RBM33: variants seen among roughly 807,000 people sequenced by gnomAD.
RBM33 encodes the protein RNA binding motif protein 33.
In RBM33, 28 loss-of-function variants were observed where a neutral mutation model predicts 132.6. The observed-to-expected ratio is 0.21, with a 90% confidence interval of 0.16 to 0.29. The LOEUF is 0.29. Among genes scored for constraint, RBM33 ranks in the 10% least tolerant of loss-of-function variants. RBM33 has a pLI of 1.00. For synonymous variants in RBM33, 634 were observed against 593.0 expected (o/e 1.07, Z -1.01); for missense variants, 1,291 against 1,518.5 (o/e 0.85, Z 2.49).
chr7:155,673,402 TTGTGTGTGTGTGTGTGTGTG>T (rs200441063), intron 3 of RBM33, among the ~76,000 whole-genome samples: 1 of 45,162 alleles, frequency 2.2e-5, no homozygotes, highest in Non-Finnish European at 4.5e-5. Context: ...TTTATATATA[TTGTGTGTGTGTGTGTGTGTG>T]TGTGTGTGTG....
intron 13 of RBM33, among the ~76,000 whole-genome samples, chr7:155,743,761 C>T (rs1801425527): frequency 6.6e-6 from 1 of 152,166 alleles, no homozygotes; most frequent in Non-Finnish European, 1.5e-5. Context: ...TTTAACTCTT[C>T]CTTGACTGCA....
intron 8 of RBM33, among the ~76,000 whole-genome samples, chr7:155,715,684 A>T (rs1282381387): frequency 7.2e-5 from 11 of 152,230 alleles, no homozygotes. Context: ...ACACTGACAC[A>T]GGAGAGAAGG....
intron 1 of RBM33, among the ~76,000 whole-genome samples, chr7:155,652,127 A>T (rs149079645): frequency 6.6e-6 from 1 of 152,174 alleles, no homozygotes; most frequent in Non-Finnish European, 1.5e-5. Flanking sequence ...AGGAATTTTG[A>T]CTATTAGTGA....
Position 155,741,958 on chromosome 7 carries a change from C to G in RBM33, c.2189C>G (p.Pro730Arg). The change falls in exon 13 of 18, where the codon CCC becomes CGC. Residue 730 changes from proline (P) to arginine (R), a missense_variant. This residue lies in a region of RBM33 where 841 missense variants were observed against 912.0 expected (regional missense o/e 0.92). Transcript: ENST00000401878. ...EMSSSRCSAT[P>R]SAQVKPIVSA... Reference sequence around the variant, plus strand: ...AGCAGCAGCCGCTGCTCTGCCACGCCCTCAGCACAAGTGAAACCTATCGTC... The same window carrying G: ...AGCAGCAGCCGCTGCTCTGCCACGCGCTCAGCACAAGTGAAACCTATCGTC... 1.2e-6 allele frequency: 2 copies of G among 1,614,018 alleles called. No homozygotes were observed. Among genetic ancestry groups the G allele is most frequent in the Non-Finnish European group, 1.7e-6 (2 of 1,179,888 alleles).
At chr7:155,756,815 G>A (rs931813453) in intron 14 of RBM33, among the ~76,000 whole-genome samples, 5 of 150,812 alleles carry the variant, frequency 3.3e-5, no homozygotes, top group Middle Eastern at 3.4e-3. Flanking sequence ...CCAGATAGCC[G>A]GGTAGCTTGG....
intron 7 of RBM33, chr7:155,707,351 T>C (rs753026358): frequency 8.2e-5 from 46 of 562,076 alleles, no homozygotes; most frequent in Non-Finnish European, 1.5e-4. Flanking sequence ...CATAAGCTGT[T>C]GGACCTTGCT....
At chr7:155,691,653 A>G (rs1799645561) in intron 5 of RBM33, among the ~76,000 whole-genome samples, 1 of 152,238 alleles carries the variant, frequency 6.6e-6, no homozygotes, top group Non-Finnish European at 1.5e-5. Context: ...AACAAGTATT[A>G]TCATTGCCTG....
intron 1 of RBM33, among the ~76,000 whole-genome samples, chr7:155,654,715 A>G (rs1309375767): frequency 2.6e-5 from 4 of 152,180 alleles, no homozygotes; most frequent in African/African-American, 4.8e-5. Context: ...CATTGTGTAT[A>G]TTTTTTGGAA....
chr7:155,650,049 C>T (rs1005878743), intron 1 of RBM33, among the ~76,000 whole-genome samples: 1 of 152,182 alleles, frequency 6.6e-6, no homozygotes, highest in African/African-American at 2.4e-5. Context: ...ATATATTTTC[C>T]TCCTCAGCCT....
rs573103618 is a variant in RBM33, at chr7:155,683,603, A to C, written c.567+2695A>C. On this transcript the variant is annotated intron_variant, in intron 5 of 17. Coordinates refer to ENST00000401878, the MANE Select transcript of RBM33 (RefSeq NM_053043.3). The stretch of plus-strand genomic sequence containing the variant: ...TATGAAGAAAGCGAGGTCCAGAGAC[A>C]TCAATAAAGCTGGACGCACAGCTCT... Among the ~76,000 whole-genome samples the C allele has an allele frequency of 2.7e-4, 41 of 152,348 alleles. 1 individual carries two copies. In the South Asian group the frequency reaches 8.5e-3, roughly 32 times the overall value.
chr7:155,724,024 A>G (rs1203020694), intron 9 of RBM33, among the ~76,000 whole-genome samples: 4 of 152,212 alleles, frequency 2.6e-5, no homozygotes, highest in Non-Finnish European at 5.9e-5. Context: ...CCCATCTGCA[A>G]CTGAATAATT....
At position 155,745,107 on chromosome 7, in the gene RBM33, G is replaced by A. The variant is rs1271354467; in HGVS notation, c.2484G>A (p.Ala828=). The A allele has an allele frequency of 3.8e-6, 6 of 1,596,668 alleles. No homozygotes were observed. The highest frequency in any genetic ancestry group is 2.3e-5 in the East Asian group (1 of 44,168). ...AGAAGGAGCTGCTGGAGAGACTCGC[G>A]CAGCAACAGCAGCAGCTGTACGCTC... ...ARKKELLERL[A]QQQQQLYAPP... Residue 828 remains alanine (A), a synonymous_variant, in exon 14 of 18, where the codon GCG becomes GCA. Coordinates refer to ENST00000401878, the MANE Select transcript of RBM33 (RefSeq NM_053043.3). The surrounding 1 kb of genome is among the most constrained non-coding windows in gnomAD (Gnocchi z 4.1).
At chr7:155,741,660 G>A (rs532871895) in intron 12 of RBM33, among the ~76,000 whole-genome samples, 159 bp from the exon 13 acceptor site, 1 of 152,136 alleles carries the variant, frequency 6.6e-6, no homozygotes, top group Non-Finnish European at 1.5e-5. Context: ...TGACATTTAT[G>A]TATGAGAAAA....
chr7:155,751,095 G>GTATA (rs1170456079), intron 14 of RBM33, among the ~76,000 whole-genome samples: 2 of 152,164 alleles, frequency 1.3e-5, no homozygotes, highest in Non-Finnish European at 1.5e-5. Context: ...GGAATGATAT[G>GTATA]TATATACCTG....
chr7:155,712,315 A>C (rs1215830188), intron 8 of RBM33, among the ~76,000 whole-genome samples: 2 of 152,358 alleles, frequency 1.3e-5, no homozygotes, highest in East Asian at 3.9e-4. Context: ...GTTTTTGAGC[A>C]GTTTATACGA....
rs1801504352 is a variant in RBM33, at chr7:155,745,994, G to A, written c.2979+392G>A. Among the ~76,000 whole-genome samples the A allele has an allele frequency of 1.3e-5, 2 of 152,150 alleles. No individual in the cohort carries two copies. Among genetic ancestry groups the A allele is most frequent in the South Asian group, 4.1e-4 (2 of 4,830 alleles). ...GTGTGTCGAAATGTATCTTAGTGAA[G>A]GTACAGTAAAAATACAGTGTCATAA... On this transcript the variant is annotated intron_variant, in intron 14 of 17. Coordinates refer to ENST00000401878, the MANE Select transcript of RBM33 (RefSeq NM_053043.3). The surrounding 1 kb of genome is among the most constrained non-coding windows in gnomAD (Gnocchi z 4.1).
intron 1 of RBM33, among the ~76,000 whole-genome samples, chr7:155,663,764 C>T (rs1160172322): frequency 6.6e-6 from 1 of 152,044 alleles, no homozygotes; most frequent in African/African-American, 2.4e-5. Context: ...ATCATCTGGC[C>T]CTACCTACCC....
At chr7:155,674,239 C>T (rs1799112362) in intron 3 of RBM33, among the ~76,000 whole-genome samples, 2 of 151,894 alleles carry the variant, frequency 1.3e-5, no homozygotes, top group Non-Finnish European at 2.9e-5. Flanking sequence ...GAGAGAGCCT[C>T]GTAGTTGGTC....
rs189792235 is a variant in RBM33 at position 155,721,825 on chromosome 7, A to G, written c.1260+3382A>G. ...CTGGGCTTTGCTTGTAGTTAGACTA[A>G]TATTTTTATTTCTTGTTAATTAGCA... On this transcript the variant is annotated intron_variant, in intron 9 of 17. Transcript: ENST00000401878. Among the ~76,000 whole-genome samples, 159 of 152,344 alleles carry G rather than the reference A, an allele frequency of 1.0e-3. 2 individuals carry two copies. Among genetic ancestry groups the G allele is most frequent in the Admixed American group, 4.8e-3 (74 of 15,304 alleles).
Sources: gnomAD v4.1 joint callset for allele counts (sites outside exome capture counted in the v4.1 genomes callset) on GRCh38, gnomAD v4.1.1 for gene constraint, gnomAD v4.1.1 regional missense constraint, Gnocchi (gnomAD v3.1) non-coding constraint, MANE v1.5 for transcripts, NCBI Gene and HGNC (gene_info 2026-07-23, HGNC 2026-07-21) for gene names.